KLHL14: variants seen among roughly 807,000 people sequenced by gnomAD.
KLHL14 encodes kelch like family member 14.
In KLHL14, 22 loss-of-function variants were observed where a neutral mutation model predicts 64.3. The observed-to-expected ratio is 0.34, with a 90% CI of 0.24 to 0.49. The LOEUF (loss-of-function observed/expected upper bound fraction) is 0.49, where lower values mean the gene tolerates loss of function less well. Ranked by LOEUF, KLHL14 falls within the 20% of genes least tolerant of loss-of-function variation. The pLI is 0.99. For missense variants in KLHL14, 661 were observed against 789.0 expected, an observed-to-expected ratio of 0.84 and a Z score of 1.94; for synonymous variants, 322 against 333.4, an observed-to-expected ratio of 0.97 and a Z score of 0.37.
rs916596767 is a variant in KLHL14 at position 32,713,108 on chromosome 18, T to G, written c.1070-17556A>C. Among the ~76,000 whole-genome samples the G allele has an allele frequency of 1.4e-4, 21 of 152,210 alleles. 1 individual carries two copies. Among genetic ancestry groups the G allele is most frequent in the Admixed American group, 1.4e-3 (21 of 15,262 alleles). Reference sequence around the variant, plus strand: ...GAACATGGCCACTCCCAACAGTTTATGCTGCTTTTGTGCCACAACTGCAGA... The same window carrying G: ...GAACATGGCCACTCCCAACAGTTTAGGCTGCTTTTGTGCCACAACTGCAGA... On this transcript the variant is annotated intron_variant, in intron 3 of 8. Coordinates refer to ENST00000359358, the MANE Select transcript of KLHL14 (RefSeq NM_020805.3).
chr18:32,715,619 T>G (rs926050924), intron 3 of KLHL14, among the ~76,000 whole-genome samples: 1 of 152,170 alleles, frequency 6.6e-6, no homozygotes, highest in Non-Finnish European at 1.5e-5. Flanking sequence ...GTTGAAAAGA[T>G]AAAAAGTCTT....
intron 3 of KLHL14, among the ~76,000 whole-genome samples, chr18:32,716,278 A>C (rs2050044695): frequency 6.6e-6 from 1 of 152,162 alleles, no homozygotes; most frequent in South Asian, 2.1e-4. Context: ...TTCTTCAGAG[A>C]GCGGGCAAAG....
chr18:32,676,939 T>C (rs754242782), intron 8 of KLHL14, among the ~76,000 whole-genome samples: 3 of 152,128 alleles, frequency 2.0e-5, no homozygotes, highest in Non-Finnish European at 4.4e-5. Context: ...CACAAGGTCA[T>C]AGAGACAGGA....
rs992311388 is a variant in KLHL14, at chr18:32,695,453, C to T, written c.1159+10G>A. 1.3e-5 allele frequency: 20 copies of T among 1,579,262 alleles called. No individual in the cohort carries two copies. The highest frequency in any genetic ancestry group is 1.7e-5 in the Non-Finnish European group (20 of 1,148,740). ...GTTGAGCACCTCCAATTAAGTTGTT[C>T]AATAGTTACCATTCGGATTCCACTG... is the stretch of plus-strand genomic sequence containing the variant. On this transcript the variant is annotated intron_variant, in intron 4 of 8. Transcript: ENST00000359358.
chr18:32,708,340 A>G (rs2050001156), intron 3 of KLHL14, among the ~76,000 whole-genome samples: 1 of 152,134 alleles, frequency 6.6e-6, no homozygotes, highest in Admixed American at 6.5e-5. Context: ...CCATAGGGAC[A>G]TTTGCAATGT....
At chr18:32,684,934 G>GGA (rs2049869114) in intron 5 of KLHL14, among the ~76,000 whole-genome samples, 1 of 152,112 alleles carries the variant, frequency 6.6e-6, no homozygotes, top group Admixed American at 6.6e-5. Context: ...CCAGCCCATA[G>GGA]GAGAGATGGA....
intron 3 of KLHL14, among the ~76,000 whole-genome samples, chr18:32,701,869 T>A (rs1250568057): frequency 6.6e-6 from 1 of 152,184 alleles, no homozygotes; most frequent in East Asian, 1.9e-4. Flanking sequence ...GTGGATAATT[T>A]ATCTGTAGGG....
intron 3 of KLHL14, among the ~76,000 whole-genome samples, chr18:32,729,791 A>C (rs2050127764): frequency 6.6e-6 from 1 of 152,372 alleles, no homozygotes; most frequent in South Asian, 2.1e-4. Context: ...GGTCACATTC[A>C]TAGGTACTGG....
At chr18:32,737,822 T>C (rs2050173886) in intron 3 of KLHL14, 1 of 152,038 alleles carries the variant, frequency 6.6e-6, no homozygotes, top group South Asian at 2.1e-4. Context: ...GAGTTGTAAA[T>C]CAACAGAACG....
intron 2 of KLHL14, among the ~76,000 whole-genome samples, chr18:32,767,133 T>A (rs2050350551): frequency 6.6e-6 from 1 of 152,306 alleles, no homozygotes; most frequent in Middle Eastern, 3.4e-3. Context: ...AGTGATGTAA[T>A]CTCAAAAACA....
intron 3 of KLHL14, among the ~76,000 whole-genome samples, chr18:32,708,149 G>C (rs1432196715): frequency 3.3e-5 from 5 of 152,158 alleles, no homozygotes; most frequent in Non-Finnish European, 7.3e-5. Context: ...ATGGATGGAT[G>C]TATTTCTGAC....
chr18:32,758,608 AATGAAAAC>A (rs1163451612), intron 2 of KLHL14, among the ~76,000 whole-genome samples: 1 of 152,242 alleles, frequency 6.6e-6, no homozygotes, highest in Non-Finnish European at 1.5e-5. Flanking sequence ...ACCCAAGAGA[AATGAAAAC>A]ATATGTCCAT....
intron 3 of KLHL14, among the ~76,000 whole-genome samples, chr18:32,723,695 T>A (rs2050091352): frequency 6.6e-6 from 1 of 152,200 alleles, no homozygotes. Context: ...GTCAAGGATG[T>A]GTCCAAGCTA....
chr18:32,772,128 G>C (rs1458702462), intron 1 of KLHL14: 1 of 252,000 alleles, frequency 4.0e-6, no homozygotes. Context: ...CCGCCCGCCC[G>C]GGGGAGAGCC....
intron 2 of KLHL14, among the ~76,000 whole-genome samples, chr18:32,752,341 G>A (rs1015886566): frequency 6.6e-6 from 1 of 152,116 alleles, no homozygotes; most frequent in Admixed American, 6.5e-5. Flanking sequence ...AAAGGAAAAA[G>A]CGTATTTCTG....
At chr18:32,708,587 C>A (rs567774071) in intron 3 of KLHL14, among the ~76,000 whole-genome samples, 124 of 152,300 alleles carry the variant, frequency 8.1e-4, no homozygotes, top group Middle Eastern at 3.4e-3. Flanking sequence ...TCATCCTGCT[C>A]TCCCTTCTAG....
At chr18:32,685,531 C>G (rs983437388) in intron 5 of KLHL14, among the ~76,000 whole-genome samples, 2 of 152,166 alleles carry the variant, frequency 1.3e-5, no homozygotes, top group Admixed American at 1.3e-4. Context: ...GCTGTAATAA[C>G]AGCAACCAGG....
intron 3 of KLHL14, chr18:32,734,330 G>A (rs909061859): frequency 1.5e-6 from 1 of 682,228 alleles, no homozygotes; most frequent in African/African-American, 1.8e-5. Context: ...CCATGATGGA[G>A]ATGCATGTCA....
At chr18:32,735,851 C>T (rs1384413163) in intron 3 of KLHL14, among the ~76,000 whole-genome samples, 1 of 152,034 alleles carries the variant, frequency 6.6e-6, no homozygotes, top group African/African-American at 2.4e-5. Flanking sequence ...ATAGAAGATA[C>T]CAATTATATT....
Sources: allele counts gnomAD v4.1 joint callset (sites outside exome capture counted in the v4.1 genomes callset), GRCh38; gene constraint gnomAD v4.1.1; transcripts MANE v1.5; gene names NCBI Gene and HGNC (gene_info 2026-07-23, HGNC 2026-07-21).